Variants in DCC observed in about 807,000 individuals in gnomAD.
The protein encoded by DCC is DCC netrin 1 receptor.
DCC carries 58 observed loss-of-function variants against 172.5 expected under a neutral mutation model. The observed-to-expected ratio is 0.34, with a 90% CI of 0.27 to 0.42. DCC has a LOEUF of 0.42. DCC is among the 10% of genes least tolerant of loss of function. DCC has a pLI of 1.00. For synonymous variants in DCC, 709 were observed against 644.5 expected (o/e 1.10, Z -1.52); for missense variants, 1,740 against 1,791.0 (o/e 0.97, Z 0.51).
At chr18:52,737,918 C>G (rs146634946) in intron 1 of DCC, among the ~76,000 whole-genome samples, 1 of 152,114 alleles carries the variant, frequency 6.6e-6, no homozygotes, top group African/African-American at 2.4e-5. Context: ...TGATGCCCCT[C>G]GCTGTCAATC....
chr18:52,752,496 G>T, intron 2 of DCC, 122 bp downstream of exon 2: 1 of 775,686 alleles, frequency 1.3e-6, no homozygotes, highest in South Asian at 1.6e-5. Context: ...TAAATTTTAA[G>T]TTGACAAGTA....
intron 1 of DCC, among the ~76,000 whole-genome samples, chr18:52,542,204 T>A (rs948498833): frequency 6.6e-6 from 1 of 151,656 alleles, no homozygotes; most frequent in Non-Finnish European, 1.5e-5. Context: ...CTTGGATGCA[T>A]CCTCTGAATT....
chr18:52,794,456 T>C (rs1447684860), intron 2 of DCC, among the ~76,000 whole-genome samples: 4 of 152,078 alleles, frequency 2.6e-5, no homozygotes, highest in African/African-American at 9.7e-5. Flanking sequence ...TAGTTTGTTA[T>C]TGGTATATAG....
chr18:53,397,720 T>TC (rs1909043239), intron 18 of DCC, among the ~76,000 whole-genome samples: 2 of 152,302 alleles, frequency 1.3e-5, no homozygotes, highest in East Asian at 3.9e-4. Flanking sequence ...AATCTTCTTT[T>TC]CACTACATTT....
intron 7 of DCC, among the ~76,000 whole-genome samples, chr18:53,142,642 A>T (rs2043848195): frequency 6.6e-6 from 1 of 152,184 alleles, no homozygotes; most frequent in African/African-American, 2.4e-5. Context: ...TTTACATGAA[A>T]ATTGTAAAAA....
rs904362681 is a variant in DCC, at chr18:52,673,935, T to C, written c.92-78119T>C. On this transcript the variant is annotated intron_variant, in intron 1 of 28. Coordinates refer to ENST00000442544, the MANE Select transcript of DCC (RefSeq NM_005215.4). ...GGCTAAGGACTGAGCTTGGCTACAA[T>C]AGCAATGGGTAGGCCAGCTGAGCAT... 5.9e-5 allele frequency among the ~76,000 whole-genome samples: 9 copies of C among 152,180 alleles called. No individual in the cohort carries two copies. The South Asian group carries it at 6.2e-4, about 11-fold the overall frequency.
At chr18:53,153,705 C>T (rs531694169) in intron 7 of DCC, among the ~76,000 whole-genome samples, 32 of 152,202 alleles carry the variant, frequency 2.1e-4, no homozygotes, top group Non-Finnish European at 4.3e-4. Context: ...AGTCTTTCCA[C>T]GGGAAACAAC....
intron 1 of DCC, among the ~76,000 whole-genome samples, chr18:52,439,554 GGATT>G: frequency 6.6e-6 from 1 of 152,176 alleles, no homozygotes; most frequent in South Asian, 2.1e-4. Context: ...AAGTATGAAA[GGATT>G]GAGGTTGTGG....
intron 5 of DCC, among the ~76,000 whole-genome samples, chr18:53,038,856 A>G (rs917922146): frequency 6.6e-6 from 1 of 151,982 alleles, no homozygotes; most frequent in African/African-American, 2.4e-5. Flanking sequence ...AGGATGGTCA[A>G]TTGGTGAAGC....
At chr18:53,382,969 CTTTT>C (rs894350589) in intron 15 of DCC, among the ~76,000 whole-genome samples, 1 of 152,004 alleles carries the variant, frequency 6.6e-6, no homozygotes, top group African/African-American at 2.4e-5. Context: ...ATTTTTAAGG[CTTTT>C]TTATTTTGAT....
chr18:53,513,357 T>C (rs1463136188), intron 27 of DCC, among the ~76,000 whole-genome samples: 3 of 152,120 alleles, frequency 2.0e-5, no homozygotes, highest in East Asian at 1.9e-4. Context: ...GCTGCAAAAT[T>C]ATGCCAAAAT....
At chr18:53,040,923 G>A (rs963295392) in intron 5 of DCC, among the ~76,000 whole-genome samples, 29 of 151,820 alleles carry the variant, frequency 1.9e-4, no homozygotes, top group Non-Finnish European at 7.4e-5. Flanking sequence ...AGAATGCCAA[G>A]GATAAGATTT....
intron 1 of DCC, among the ~76,000 whole-genome samples, chr18:52,578,070 C>T (rs773310547): frequency 1.2e-4 from 19 of 152,182 alleles, no homozygotes; most frequent in Non-Finnish European, 2.6e-4. Context: ...GGCTTTATCT[C>T]CATCTTCTAA....
chr18:52,902,087 T>C (rs1233773342), intron 2 of DCC, among the ~76,000 whole-genome samples: 3 of 152,120 alleles, frequency 2.0e-5, no homozygotes, highest in Non-Finnish European at 2.9e-5. Flanking sequence ...GGAAGTTCCA[T>C]AAGAAATACA....
intron 1 of DCC, among the ~76,000 whole-genome samples, chr18:52,362,550 T>C (rs1984664947): frequency 6.6e-6 from 1 of 152,236 alleles, no homozygotes; most frequent in Non-Finnish European, 1.5e-5. Context: ...AATGCTATAA[T>C]AGATTTTATC....
intron 9 of DCC, among the ~76,000 whole-genome samples, chr18:53,203,201 TTGTGTGTGTGTG>T (rs66474118): frequency 4.0e-5 from 5 of 125,254 alleles, no homozygotes; most frequent in African/African-American, 1.1e-4. Context: ...ATAGATTCTC[TTGTGTGTGTGTG>T]TGTGTGTGTG....
At chr18:53,305,800 G>C in intron 13 of DCC, 81 bp downstream of exon 13, 1 of 1,454,488 alleles carries the variant, frequency 6.9e-7, no homozygotes, top group Non-Finnish European at 9.7e-7. Flanking sequence ...CACTCCAAAG[G>C]AACATTGATT....
chr18:52,689,266 C>A (rs1198857575), intron 1 of DCC, among the ~76,000 whole-genome samples: 2 of 151,998 alleles, frequency 1.3e-5, no homozygotes, highest in East Asian at 3.9e-4. Context: ...TGCTAATTTG[C>A]TGTAGAAATT....
chr18:53,286,512 G>T (rs2144739137), intron 12 of DCC, among the ~76,000 whole-genome samples: 1 of 152,192 alleles, frequency 6.6e-6, no homozygotes, highest in African/African-American at 2.4e-5. Flanking sequence ...TTTGTAAATT[G>T]CCCAGTCTCA....
Sources: gnomAD v4.1 joint callset for allele counts (sites outside exome capture counted in the v4.1 genomes callset) on GRCh38, gnomAD v4.1.1 for gene constraint, MANE v1.5 for transcripts, NCBI Gene and HGNC (gene_info 2026-07-23, HGNC 2026-07-21) for gene names.